EML4: variants seen among roughly 807,000 people sequenced by gnomAD.
EML4 encodes echinoderm microtubule-associated protein-like 4.
Under a neutral mutation model 129.0 loss-of-function variants are expected in EML4, and 72 were observed. The observed-to-expected ratio is 0.56, with a 90% CI of 0.46 to 0.68. EML4 has a LOEUF of 0.68. EML4 is among the 30% of genes least tolerant of loss of function. The probability of loss-of-function intolerance (pLI) is 0.00; values close to 1 mark genes in which losing one functional copy is unlikely to be tolerated. For synonymous variants in EML4, 532 were observed against 405.0 expected (o/e 1.31, Z -3.77); for missense variants, 1,363 against 1,190.6 (o/e 1.14, Z -2.13).
intron 1 of EML4, among the ~76,000 whole-genome samples, chr2:42,214,672 C>T (rs951222809): frequency 6.6e-6 from 1 of 152,126 alleles, no homozygotes; most frequent in Non-Finnish European, 1.5e-5. Context: ...ACTAAGGATA[C>T]ATGGTGATAT....
chr2:42,254,075 G>A (rs1415557136), intron 2 of EML4, among the ~76,000 whole-genome samples: 3 of 152,188 alleles, frequency 2.0e-5, no homozygotes, highest in Non-Finnish European at 4.4e-5. Flanking sequence ...TATTAAGAAG[G>A]AAGCCCATTC....
chr2:42,170,211 C>T (rs1243770141), intron 1 of EML4: 1 of 152,330 alleles, frequency 6.6e-6, no homozygotes, highest in Non-Finnish European at 1.5e-5. Flanking sequence ...AGGCAACTTC[C>T]TTTTCAATCC....
rs1670151826 is a variant in EML4, at chr2:42,332,450, T to G, written c.*2243T>G. 1 of 198,816 alleles carries G rather than the reference T, an allele frequency of 5.0e-6. No homozygotes were observed. The highest frequency in any genetic ancestry group is 1.0e-5 in the Non-Finnish European group (1 of 95,948). 12.3% of individuals were successfully genotyped at this position (198,816 alleles called of 1,614,324 possible). On this transcript the variant is annotated 3_prime_UTR_variant, in exon 23 of 23. Coordinates refer to ENST00000318522, the MANE Select transcript of EML4 (RefSeq NM_019063.5). Reference sequence around the variant, plus strand: ...AATGAAAATGAATCCAAGTGTTTCATGTGAAGATGTTGAGCCATTGCTATC... The same window carrying G: ...AATGAAAATGAATCCAAGTGTTTCAGGTGAAGATGTTGAGCCATTGCTATC...
chr2:42,264,981 T>C, intron 6 of EML4: 1 of 1,540,164 alleles, frequency 6.5e-7, no homozygotes, highest in Non-Finnish European at 8.7e-7. Context: ...TTGGTTGCCT[T>C]CTAAGTGAAT....
chr2:42,197,102 C>G (rs1212358843), intron 1 of EML4, among the ~76,000 whole-genome samples: 1 of 152,150 alleles, frequency 6.6e-6, no homozygotes, highest in Admixed American at 6.5e-5. Context: ...CAGGGTCGCA[C>G]TCTGTCACCC....
intron 1 of EML4, among the ~76,000 whole-genome samples, chr2:42,190,850 C>T (rs1242225991): frequency 6.6e-6 from 1 of 152,166 alleles, no homozygotes; most frequent in Non-Finnish European, 1.5e-5. Flanking sequence ...GAAATTTGAA[C>T]TTAAGGTAAC....
At chr2:42,323,866 C>A (rs1669650115) in intron 19 of EML4, among the ~76,000 whole-genome samples, 1 of 150,818 alleles carries the variant, frequency 6.6e-6, no homozygotes, top group Non-Finnish European at 1.5e-5. Flanking sequence ...ATCACTTGAA[C>A]CCAGGAGGCG....
At chr2:42,231,440 T>C (rs1674338569) in intron 1 of EML4, among the ~76,000 whole-genome samples, 2 of 152,332 alleles carry the variant, frequency 1.3e-5, no homozygotes, top group Middle Eastern at 3.4e-3. Context: ...ACTTTTGTTA[T>C]AATGACCTCA....
intron 3 of EML4, among the ~76,000 whole-genome samples, chr2:42,257,598 G>T (rs1246898173): frequency 6.6e-6 from 1 of 152,194 alleles, no homozygotes; most frequent in Non-Finnish European, 1.5e-5. Flanking sequence ...CACTTTGGGA[G>T]GCTGAGGCGG....
At chr2:42,256,671 T>C (rs1676173371) in intron 3 of EML4, 41 bp downstream of exon 3, 1 of 1,610,006 alleles carries the variant, frequency 6.2e-7, no homozygotes, top group Non-Finnish European at 8.5e-7. Flanking sequence ...CATTGCAGAA[T>C]TGTCTGAATG....
chr2:42,316,675 T>A (rs1669260563), intron 18 of EML4, among the ~76,000 whole-genome samples: 1 of 152,230 alleles, frequency 6.6e-6, no homozygotes, highest in East Asian at 1.9e-4. Context: ...CACTCTTCCC[T>A]GGAGTTAGTC....
intron 22 of EML4, 36 bp downstream of exon 22, chr2:42,329,052 CCTT>C (rs749699429): frequency 6.3e-7 from 1 of 1,590,582 alleles, no homozygotes; most frequent in South Asian, 1.1e-5. Context: ...TGTTATAAGG[CCTT>C]CTGTCCAGGG....
intron 11 of EML4, among the ~76,000 whole-genome samples, chr2:42,290,898 A>T (rs558292381): frequency 1.1e-4 from 17 of 152,328 alleles, no homozygotes; most frequent in African/African-American, 3.6e-4. Flanking sequence ...CAGAGTCAAA[A>T]CTCAGCTTTC....
chr2:42,182,125 C>CT (rs1164289811), intron 1 of EML4, among the ~76,000 whole-genome samples: 19,742 of 102,696 alleles, frequency 0.19, 1,467 homozygotes, highest in East Asian at 0.26. Flanking sequence ...CCACTGGTTT[C>CT]TTTTTTTTTT....
chr2:42,331,365 T>G lies in EML4; in HGVS notation c.*1158T>G. ...AAGTCTTGTAAGTCTAATGTGGCTA[T>G]CCTACTCTTTTGGGCAATGCATGTA... On this transcript the variant is annotated 3_prime_UTR_variant, in exon 23 of 23. Transcript: ENST00000318522. The G allele has an allele frequency of 4.4e-6, 1 of 225,220 alleles. No individual in the cohort carries two copies. Among genetic ancestry groups the G allele is most frequent in the East Asian group, 6.5e-5 (1 of 15,450 alleles). 14.0% of individuals were successfully genotyped at this position (225,220 alleles called of 1,614,324 possible).
At chr2:42,305,974 G>A (rs1229442869) in intron 17 of EML4, among the ~76,000 whole-genome samples, 4 of 152,070 alleles carry the variant, frequency 2.6e-5, no homozygotes, top group Non-Finnish European at 5.9e-5. Context: ...CTTACATATA[G>A]TGCTGCAGAA....
chr2:42,199,503 A>G (rs918450396), intron 1 of EML4, among the ~76,000 whole-genome samples: 3 of 152,230 alleles, frequency 2.0e-5, no homozygotes, highest in African/African-American at 7.2e-5. Context: ...TGGAGTAATC[A>G]TATGTGTGCT....
At chr2:42,215,157 T>G (rs1027442091) in intron 1 of EML4, among the ~76,000 whole-genome samples, 1 of 152,176 alleles carries the variant, frequency 6.6e-6, no homozygotes, top group Middle Eastern at 3.2e-3. Context: ...CCTCTCAGTC[T>G]CAAGTGATCC....
At chr2:42,313,596 C>T (rs1669077692) in intron 17 of EML4, among the ~76,000 whole-genome samples, 1 of 152,048 alleles carries the variant, frequency 6.6e-6, no homozygotes, top group South Asian at 2.1e-4. Flanking sequence ...GGGAAATGGT[C>T]CCTTTCCCAG....
Sources: gnomAD v4.1 joint callset for allele counts (sites outside exome capture counted in the v4.1 genomes callset) on GRCh38, gnomAD v4.1.1 for gene constraint, MANE v1.5 for transcripts, NCBI Gene and HGNC (gene_info 2026-07-23, HGNC 2026-07-21) for gene names.